The following CALN1 variants were observed in gnomAD, a reference collection of about 807,000 sequenced individuals.
The protein encoded by CALN1 is calcium-binding protein 8.
In CALN1, 17 loss-of-function variants were observed where a neutral mutation model predicts 30.6. The ratio of observed to expected loss-of-function variants is 0.56; its 90% CI spans 0.38 to 0.83. The LOEUF (loss-of-function observed/expected upper bound fraction) is 0.83. CALN1 is among the 40% of genes least tolerant of loss of function. The pLI is 0.00. For synonymous variants in CALN1, 156 were observed against 131.4 expected (o/e 1.19, Z -1.28); for missense variants, 291 against 354.9 (o/e 0.82, Z 1.45).
At chr7:72,455,321 A>ATGTGTGTGTG in the CALN1 span, among the ~76,000 whole-genome samples, 219 of 138,854 alleles carry the variant, frequency 1.6e-3, 3 homozygotes, top group African/African-American at 5.2e-3. Context: ...ATATATATAT[A>ATGTGTGTGTG]TGTGTGTGTG....
intron 3 of CALN1, among the ~76,000 whole-genome samples, chr7:72,244,066 T>G (rs905810213): frequency 4.6e-5 from 7 of 152,190 alleles, no homozygotes; most frequent in Admixed American, 4.6e-4. Flanking sequence ...ATCTCCTTGC[T>G]GAAAGCTAAA....
intron 1 of CALN1, among the ~76,000 whole-genome samples, chr7:72,419,254 GATTGT>G (rs1807531319): frequency 1.3e-5 from 2 of 152,138 alleles, no homozygotes; most frequent in South Asian, 4.2e-4. Context: ...GTCTAAAATG[GATTGT>G]GATCACCACA....
At chr7:72,085,885 T>C (rs535108502) in intron 4 of CALN1, among the ~76,000 whole-genome samples, 38 of 152,222 alleles carry the variant, frequency 2.5e-4, no homozygotes, top group Admixed American at 5.9e-4. Context: ...AGAATTAAAA[T>C]CCACAATGCA....
At chr7:71,820,586 A>G (rs1454918714) in intron 5 of CALN1, among the ~76,000 whole-genome samples, 1 of 152,236 alleles carries the variant, frequency 6.6e-6, no homozygotes, top group African/African-American at 2.4e-5. Flanking sequence ...CTATGGATGT[A>G]GGTGTACAAA....
chr7:71,991,515 A>G (rs1438630383), intron 5 of CALN1, among the ~76,000 whole-genome samples: 16 of 152,178 alleles, frequency 1.1e-4, no homozygotes, highest in Admixed American at 1.0e-3. Flanking sequence ...CTGTGCCTAC[A>G]TTTTAGAAGT....
At position 72,046,333 on chromosome 7, in the gene CALN1, G is replaced by A. The variant is rs572484062; in HGVS notation, c.389-22564C>T. 2.3e-3 allele frequency among the ~76,000 whole-genome samples: 348 copies of A among 151,972 alleles called. 2 individuals carry two copies. The highest frequency in any genetic ancestry group is 8.1e-3 in the African/African-American group (337 of 41,442). Reference sequence around the variant, plus strand: ...CACTGCAGCTGCAGCTTCCAATTCCGAGGCTAAGGCAATTCTCCTGCCTCA... The same window carrying A: ...CACTGCAGCTGCAGCTTCCAATTCCAAGGCTAAGGCAATTCTCCTGCCTCA... On this transcript the variant is annotated intron_variant, in intron 4 of 6. Transcript: ENST00000395275.
At chr7:72,294,647 A>G (rs1213633753) in intron 2 of CALN1, among the ~76,000 whole-genome samples, 1 of 151,732 alleles carries the variant, frequency 6.6e-6, no homozygotes, top group Non-Finnish European at 1.5e-5. Context: ...TACTTCGGAG[A>G]CTGAGGTGGG....
intron 2 of CALN1, chr7:72,336,648 A>C: frequency 6.2e-6 from 6 of 968,996 alleles, no homozygotes; most frequent in Non-Finnish European, 4.9e-6. Context: ...GGACCGAGGG[A>C]AGAAGAAAAG....
intron 5 of CALN1, among the ~76,000 whole-genome samples, chr7:71,838,140 T>C (rs1789728986): frequency 6.6e-6 from 1 of 152,048 alleles, no homozygotes; most frequent in African/African-American, 2.4e-5. Flanking sequence ...TTCCAGGAAG[T>C]AAAGTGCTCT....
At chr7:71,799,508 C>T (rs1787180077) in intron 6 of CALN1, among the ~76,000 whole-genome samples, 1 of 151,946 alleles carries the variant, frequency 6.6e-6, no homozygotes, top group African/African-American at 2.4e-5. Flanking sequence ...CTCTGTTGCC[C>T]AGGCTGGAGT....
rs117022962 is a variant in CALN1, at chr7:72,421,055, C to A, written c.-225-8780G>T. ...CAGGTTCTTACTGCACTTTCCTTTG[C>A]GTCCAGTGCGTTTTTAGAGTGAGCA... On this transcript the variant is annotated intron_variant, in intron 1 of 6. Coordinates refer to the CALN1 transcript ENST00000395276. 3.5e-4 allele frequency among the ~76,000 whole-genome samples: 54 copies of A among 152,130 alleles called. 1 individual carries two copies. Among genetic ancestry groups the A allele is most frequent in the Non-Finnish European group, 1.5e-5 (1 of 68,038 alleles).
At chr7:72,120,040 A>G (rs1370412905) in intron 3 of CALN1, among the ~76,000 whole-genome samples, 1 of 152,144 alleles carries the variant, frequency 6.6e-6, no homozygotes, top group East Asian at 1.9e-4. Flanking sequence ...GCTTGGGGCA[A>G]GAATGACGCT....
intron 5 of CALN1, among the ~76,000 whole-genome samples, chr7:71,891,093 T>C (rs1793215294): frequency 6.6e-6 from 1 of 152,138 alleles, no homozygotes; most frequent in African/African-American, 2.4e-5. Flanking sequence ...AAAAACCTTC[T>C]CCTAGTTATT....
intron 3 of CALN1, among the ~76,000 whole-genome samples, chr7:72,215,940 G>A (rs756872462): frequency 3.3e-5 from 5 of 152,132 alleles, no homozygotes; most frequent in African/African-American, 4.8e-5. Context: ...AGCATGGGTC[G>A]GACCAAGGCT....
intron 1 of CALN1, among the ~76,000 whole-genome samples, chr7:72,410,848 T>C (rs1467553806): frequency 6.6e-6 from 1 of 152,114 alleles, no homozygotes; most frequent in Admixed American, 6.6e-5. Context: ...ATTGCTAAAA[T>C]CAGAAAAAAT....
chr7:72,204,899 A>C (rs1791712004), intron 3 of CALN1, among the ~76,000 whole-genome samples: 1 of 152,210 alleles, frequency 6.6e-6, no homozygotes, highest in South Asian at 2.1e-4. Context: ...TCACGTTTTT[A>C]AACTGCTGTA....
At chr7:72,460,966 TAGC>T in the CALN1 span, among the ~76,000 whole-genome samples, 5 of 152,104 alleles carry the variant, frequency 3.3e-5, no homozygotes, top group African/African-American at 9.7e-5. Context: ...GATTTGCAAA[TAGC>T]AGAAACAGCA....
the CALN1 span, among the ~76,000 whole-genome samples, chr7:72,489,598 A>G: frequency 6.6e-6 from 1 of 152,184 alleles, no homozygotes; most frequent in African/African-American, 2.4e-5. Flanking sequence ...AACCTCTTGA[A>G]AGAGCCTTTA....
intron 5 of CALN1, among the ~76,000 whole-genome samples, chr7:71,983,728 C>T (rs779580723): frequency 3.9e-5 from 6 of 152,030 alleles, no homozygotes; most frequent in South Asian, 2.1e-4. Flanking sequence ...AACGGGGTTT[C>T]GCCATGTTGG....
Sources: gnomAD v4.1 joint callset for allele counts (sites outside exome capture counted in the v4.1 genomes callset) on GRCh38, gnomAD v4.1.1 for gene constraint, MANE v1.5 for transcripts, NCBI Gene and HGNC (gene_info 2026-07-23, HGNC 2026-07-21) for gene names.